The following RNGTT variants were observed in gnomAD, a reference collection of about 807,000 sequenced individuals.
RNGTT encodes the protein mRNA-capping enzyme.
In RNGTT, 33 loss-of-function variants were observed where a neutral mutation model predicts 79.3. The observed-to-expected ratio is 0.42, with a 90% confidence interval of 0.32 to 0.56. RNGTT has a LOEUF of 0.56. Among genes scored for constraint, RNGTT ranks in the 20% least tolerant of loss-of-function variants. RNGTT has a pLI of 0.17. For synonymous variants in RNGTT, 222 were observed against 235.9 expected (o/e 0.94, Z 0.54); for missense variants, 497 against 739.1 (o/e 0.67, Z 3.80).
At chr6:88,951,534 T>A (rs540705327) in intron 1 of RNGTT, among the ~76,000 whole-genome samples, 8 of 152,242 alleles carry the variant, frequency 5.3e-5, no homozygotes, top group African/African-American at 1.9e-4. Context: ...AACAGATCCG[T>A]TGAAAGAAGC....
rs114212572 is a variant in RNGTT, at chr6:88,962,367, C to A, written c.64+979G>T. 4.7e-3 allele frequency among the ~76,000 whole-genome samples: 712 copies of A among 152,284 alleles called. 2 individuals are homozygous for A. Among genetic ancestry groups the A allele is most frequent in the African/African-American group, 0.016 (675 of 41,554 alleles). On this transcript the variant is annotated intron_variant, in intron 1 of 15. Transcript: ENST00000369485. ...AAAAACCCGGCCAAGCGGGGTGGCT[C>A]TCGCCTATAATCCCAACACTTTGGG...
intron 2 of RNGTT, among the ~76,000 whole-genome samples, chr6:88,930,080 A>G (rs1281780216): frequency 1.4e-5 from 2 of 145,834 alleles, no homozygotes; most frequent in African/African-American, 2.6e-5. Context: ...GTATACATAT[A>G]CATATATACA....
intron 13 of RNGTT, among the ~76,000 whole-genome samples, chr6:88,769,198 AC>A (rs948369632): frequency 6.6e-6 from 1 of 151,936 alleles, no homozygotes; most frequent in African/African-American, 2.4e-5. Context: ...TCACTCTGTC[AC>A]CCAGGCTGGA....
chr6:88,889,505 A>T (rs2127933685), intron 8 of RNGTT, among the ~76,000 whole-genome samples: 1 of 152,272 alleles, frequency 6.6e-6, no homozygotes, highest in East Asian at 1.9e-4. Flanking sequence ...TCCAAAACTC[A>T]TAAAAATTAA....
chr6:88,670,146 C>T (rs1774577538), intron 14 of RNGTT, among the ~76,000 whole-genome samples: 1 of 152,196 alleles, frequency 6.6e-6, no homozygotes, highest in South Asian at 2.1e-4. Flanking sequence ...ATATAGATGA[C>T]CAAGGCCAAG....
In RNGTT at chr6:88,631,827, G is replaced by GTT. The variant is rs11415300; in HGVS notation, c.1507-17434_1507-17433dup. Among the ~76,000 whole-genome samples, 344 of 150,876 alleles carry GTT rather than the reference G, an allele frequency of 2.3e-3. 4 individuals carry two copies. Among genetic ancestry groups the GTT allele is most frequent in the African/African-American group, 7.6e-3 (311 of 41,180 alleles). On this transcript the variant is annotated intron_variant, in intron 14 of 15. Transcript: ENST00000369485. ...AGGCTATATATATTTTTTGTTTCAA[G>GTT]TTTTTTTTTAACCTCCTAGAAACAC...
intron 12 of RNGTT, among the ~76,000 whole-genome samples, chr6:88,782,595 T>A (rs559662012): frequency 3.1e-4 from 47 of 150,636 alleles, no homozygotes; most frequent in African/African-American, 1.0e-3. Context: ...AAAGAAACAA[T>A]GAACAAAGTG....
intron 13 of RNGTT, among the ~76,000 whole-genome samples, chr6:88,757,453 T>A (rs1562236725): frequency 6.6e-6 from 1 of 152,200 alleles, no homozygotes. Context: ...AAAGCAAACT[T>A]AATTATAATG....
chr6:88,856,962 T>C (rs568062407), intron 8 of RNGTT, among the ~76,000 whole-genome samples: 1 of 152,250 alleles, frequency 6.6e-6, no homozygotes, highest in South Asian at 2.1e-4. Flanking sequence ...GGTATTTGTA[T>C]TATATTCATT....
At chr6:88,726,496 C>G (rs536338963) in intron 13 of RNGTT, among the ~76,000 whole-genome samples, 19 of 152,082 alleles carry the variant, frequency 1.2e-4, no homozygotes, top group African/African-American at 4.6e-4. Context: ...ACTGAAAATT[C>G]CCTTAACCCA....
intron 4 of RNGTT, among the ~76,000 whole-genome samples, chr6:88,928,229 T>C (rs1180433874): frequency 6.6e-6 from 1 of 150,892 alleles, no homozygotes; most frequent in African/African-American, 2.4e-5. Flanking sequence ...AATTTTTCAT[T>C]AAAAAAAAAT....
At chr6:88,662,424 C>T (rs1215508314) in intron 14 of RNGTT, among the ~76,000 whole-genome samples, 1 of 152,234 alleles carries the variant, frequency 6.6e-6, no homozygotes, top group Non-Finnish European at 1.5e-5. Context: ...TATCATGACC[C>T]TTTCACATGG....
chr6:88,681,607 A>G (rs1233544757), intron 13 of RNGTT, among the ~76,000 whole-genome samples: 1 of 152,188 alleles, frequency 6.6e-6, no homozygotes, highest in African/African-American at 2.4e-5. Context: ...ATATGTAATT[A>G]TAGTCAAGTA....
intron 13 of RNGTT, among the ~76,000 whole-genome samples, chr6:88,713,819 T>C (rs188769084): frequency 1.3e-5 from 2 of 152,348 alleles, no homozygotes; most frequent in African/African-American, 2.4e-5. Flanking sequence ...TTTAACATTC[T>C]TGATGCATCA....
At chr6:88,753,329 C>T (rs139621145) in intron 13 of RNGTT, among the ~76,000 whole-genome samples, 2 of 152,118 alleles carry the variant, frequency 1.3e-5, no homozygotes, top group East Asian at 1.9e-4. Flanking sequence ...CACAGTGAGA[C>T]CCTATCTCTA....
At chr6:88,740,285 G>A (rs889597539) in intron 13 of RNGTT, among the ~76,000 whole-genome samples, 80 of 152,174 alleles carry the variant, frequency 5.3e-4, no homozygotes, top group African/African-American at 1.7e-3. Flanking sequence ...TGGGGGGGCC[G>A]AGGCAGGAGA....
intron 2 of RNGTT, among the ~76,000 whole-genome samples, chr6:88,936,644 T>C (rs1180522260): frequency 1.3e-5 from 2 of 152,240 alleles, no homozygotes; most frequent in African/African-American, 4.8e-5. Flanking sequence ...ACATGGTGTT[T>C]GTCCTTCATT....
intron 14 of RNGTT, among the ~76,000 whole-genome samples, chr6:88,664,693 A>G (rs1774327142): frequency 6.6e-6 from 1 of 152,214 alleles, no homozygotes; most frequent in South Asian, 2.1e-4. Flanking sequence ...CTCAGCTGAA[A>G]GAAAAGCAAG....
intron 4 of RNGTT, among the ~76,000 whole-genome samples, chr6:88,908,828 C>T (rs1401969528): frequency 1.3e-5 from 2 of 152,170 alleles, no homozygotes; most frequent in Non-Finnish European, 2.9e-5. Context: ...TGCCCCTTTG[C>T]CTGCCAACTC....
Sources: gnomAD v4.1 joint callset for allele counts (sites outside exome capture counted in the v4.1 genomes callset) on GRCh38, gnomAD v4.1.1 for gene constraint, MANE v1.5 for transcripts, NCBI Gene and HGNC (gene_info 2026-07-23, HGNC 2026-07-21) for gene names.